ANGPTL2: variants seen among roughly 807,000 people sequenced by gnomAD.
ANGPTL2 encodes angiopoietin-related protein 2.
In ANGPTL2, 25 loss-of-function variants were observed where a neutral mutation model predicts 52.8. The observed-to-expected ratio is 0.47, with a 90% confidence interval of 0.35 to 0.66. The LOEUF is 0.66. Among genes scored for constraint, ANGPTL2 ranks in the 30% least tolerant of loss-of-function variants. ANGPTL2 has a pLI of 0.01. For synonymous variants in ANGPTL2, 276 were observed against 277.4 expected (o/e 1.00, Z 0.05); for missense variants, 546 against 656.9 (o/e 0.83, Z 1.84).
chr9:127,103,036 C>T (rs2136910509), intron 2 of ANGPTL2, among the ~76,000 whole-genome samples: 1 of 152,356 alleles, frequency 6.6e-6, no homozygotes, highest in East Asian at 1.9e-4. Context: ...TTCTCCACCT[C>T]TCTGCAGTGC....
chr9:127,115,232 C>A (rs1245860838), intron 1 of ANGPTL2, among the ~76,000 whole-genome samples: 2 of 152,050 alleles, frequency 1.3e-5, no homozygotes, highest in Non-Finnish European at 2.9e-5. Flanking sequence ...TCTTGTCACC[C>A]AGGCTGGAGT....
At chr9:127,092,412 G>A (rs537616918) in intron 3 of ANGPTL2, among the ~76,000 whole-genome samples, 172 of 152,170 alleles carry the variant, frequency 1.1e-3, no homozygotes, top group Non-Finnish European at 1.4e-3. Context: ...ATCCACCGGC[G>A]CTCCCCTCTA....
At chr9:127,117,506 C>A (rs2055561452) in intron 1 of ANGPTL2, among the ~76,000 whole-genome samples, 1 of 152,184 alleles carries the variant, frequency 6.6e-6, no homozygotes, top group Non-Finnish European at 1.5e-5. Flanking sequence ...TCAAGGGGTC[C>A]ACGGTAGTAG....
At chr9:127,104,749 C>T (rs1312385779) in intron 2 of ANGPTL2, among the ~76,000 whole-genome samples, 5 of 152,160 alleles carry the variant, frequency 3.3e-5, no homozygotes, top group African/African-American at 4.8e-5. Flanking sequence ...TGTGGGCAGA[C>T]GAAGAAAAGA....
intron 3 of ANGPTL2, among the ~76,000 whole-genome samples, chr9:127,092,242 G>T (rs374386951): frequency 6.6e-6 from 1 of 152,240 alleles, no homozygotes; most frequent in Non-Finnish European, 1.5e-5. Context: ...GCTGTGGCAG[G>T]TGGAGGGCCT....
intron 1 of ANGPTL2, among the ~76,000 whole-genome samples, chr9:127,119,736 C>T (rs1408919940): frequency 1.3e-5 from 2 of 152,154 alleles, no homozygotes; most frequent in Non-Finnish European, 2.9e-5. Context: ...CATGTAGTCC[C>T]CTGCTGGACC....
chr9:127,106,157 A>G (rs1236401135), intron 2 of ANGPTL2, among the ~76,000 whole-genome samples: 1 of 152,258 alleles, frequency 6.6e-6, no homozygotes, highest in Non-Finnish European at 1.5e-5. Flanking sequence ...AACCAGAGAC[A>G]CTTAGGCCAG....
chr9:127,108,411 C>T lies in ANGPTL2; in HGVS notation c.321G>A (p.Gln107=). The change falls in exon 2 of 5, where the codon CAG becomes CAA. Residue 107 remains glutamine (Q), a synonymous_variant. Transcript: ENST00000373425. ...LKQKRQIETL[Q]QLVEVDGGIV... is the part of the protein sequence containing the mutation. Reference sequence around the variant, plus strand: ...TGCCGCCGTCCACCTCCACCAGCTGCTGCAGCGTCTCGATCTGCCGCTTCT... The same window carrying T: ...TGCCGCCGTCCACCTCCACCAGCTGTTGCAGCGTCTCGATCTGCCGCTTCT... 6.2e-7 allele frequency: 1 copy of T among 1,608,912 alleles called. No individual in the cohort carries two copies. The highest frequency in any genetic ancestry group is 8.5e-7 in the Non-Finnish European group (1 of 1,178,526).
chr9:127,107,777 A>G (rs2054362952), intron 2 of ANGPTL2, 138 bp downstream of exon 2: 1 of 858,136 alleles, frequency 1.2e-6, no homozygotes, highest in Non-Finnish European at 1.7e-6. Flanking sequence ...GCTCAGCCCA[A>G]GGGATTGCTG....
At chr9:127,107,128 C>T (rs1247471800) in intron 2 of ANGPTL2, 1 of 152,142 alleles carries the variant, frequency 6.6e-6, no homozygotes, top group East Asian at 1.9e-4. Context: ...AGAAGTCAGC[C>T]AGAGATTTAA....
intron 2 of ANGPTL2, 62 bp from the exon 3 acceptor site, chr9:127,093,988 T>C (rs1010668293): frequency 8.3e-6 from 13 of 1,564,128 alleles, no homozygotes; most frequent in Admixed American, 5.1e-5. Context: ...CACCCCCAGC[T>C]GCACCCCAAG....
intron 1 of ANGPTL2, among the ~76,000 whole-genome samples, chr9:127,110,001 T>C (rs774234599): frequency 7.2e-5 from 11 of 152,204 alleles, no homozygotes; most frequent in Non-Finnish European, 1.6e-4. Context: ...AACATCAGGA[T>C]GGTTTTCCTA....
At chr9:127,099,873 C>T (rs1392604029) in intron 2 of ANGPTL2, among the ~76,000 whole-genome samples, 4 of 152,176 alleles carry the variant, frequency 2.6e-5, no homozygotes, top group Non-Finnish European at 5.9e-5. Flanking sequence ...GCTTTCAGGC[C>T]GCTTTAGCCC....
At position 127,107,811 on chromosome 9, in the gene ANGPTL2, T is replaced by C. The variant is rs1052373804; in HGVS notation, c.817+104A>G. The C allele has an allele frequency of 3.1e-5, 38 of 1,226,670 alleles. No individual in the cohort carries two copies. The African/African-American group carries it at 4.7e-4, about 15-fold the overall frequency. The allele number at this position is 1,226,670 out of a possible 1,614,324, so 76.0% of individuals were successfully genotyped here. A position where few individuals can be genotyped will look rare whatever the true frequency, so the allele number is the denominator to read the frequency against. ...TGGGGGATTGTGCATGTCTTTGGCC[T>C]GGCTTCAACTGGCCATGGCTTTTCC... On this transcript the variant is annotated intron_variant, in intron 2 of 4. Transcript: ENST00000373425.
At position 127,122,198 on chromosome 9, in the gene ANGPTL2, C is replaced by T. The variant is rs962509678; in HGVS notation, c.-50+117G>A. 2 of 152,290 alleles carry T rather than the reference C, an allele frequency of 1.3e-5. No individual in the cohort carries two copies. The highest frequency in any genetic ancestry group is 2.9e-5 in the Non-Finnish European group (2 of 68,108). The allele number at this position is 152,290 out of a possible 1,614,324, so 9.4% of individuals were successfully genotyped here. On this transcript the variant is annotated intron_variant, in intron 1 of 4. Coordinates refer to ENST00000373425, the MANE Select transcript of ANGPTL2 (RefSeq NM_012098.3). This position sits in a 1 kb window ranked among gnomAD's most constrained non-coding sequence, Gnocchi z 6.4. Reference sequence around the variant, plus strand: ...CCAAGCGATAGCAGGGAGTGACCCTCTGAGATCCAGCAGCACACACCCCCA... The same window carrying T: ...CCAAGCGATAGCAGGGAGTGACCCTTTGAGATCCAGCAGCACACACCCCCA...
chr9:127,109,024 C>T lies in ANGPTL2; in HGVS notation c.-49-244G>A, dbSNP rs77370425. ...TCTCAGGGCATCTGAAGGCAGGAGG[C>T]CATGGCCCTGCTACTCCCAGAGCCA... is the stretch of plus-strand genomic sequence containing the variant. On this transcript the variant is annotated intron_variant, in intron 1 of 4. Coordinates refer to ENST00000373425, the MANE Select transcript of ANGPTL2 (RefSeq NM_012098.3). Among the ~76,000 whole-genome samples, 615 of 152,320 alleles carry T rather than the reference C, an allele frequency of 4.0e-3. 8 individuals are homozygous for T. The highest frequency in any genetic ancestry group is 0.028 in the East Asian group (145 of 5,168).
At chr9:127,090,852 G>A (rs2052382427) in intron 4 of ANGPTL2, among the ~76,000 whole-genome samples, 1 of 152,196 alleles carries the variant, frequency 6.6e-6, no homozygotes, top group Non-Finnish European at 1.5e-5. Flanking sequence ...TTGGCCCTGG[G>A]GAGGCATTAA....
intron 3 of ANGPTL2, among the ~76,000 whole-genome samples, chr9:127,092,204 C>A (rs551848704): frequency 6.6e-6 from 1 of 152,334 alleles, no homozygotes; most frequent in African/African-American, 2.4e-5. Context: ...TATTACCTTC[C>A]CCACAGGCTT....
At chr9:127,117,369 C>T (rs1476190447) in intron 1 of ANGPTL2, among the ~76,000 whole-genome samples, 1 of 152,198 alleles carries the variant, frequency 6.6e-6, no homozygotes, top group Non-Finnish European at 1.5e-5. Flanking sequence ...AGGATGGCAC[C>T]TAGGTTACTA....
Sources: gnomAD v4.1 joint callset for allele counts (sites outside exome capture counted in the v4.1 genomes callset) on GRCh38, gnomAD v4.1.1 for gene constraint, Gnocchi (gnomAD v3.1) non-coding constraint, MANE v1.5 for transcripts, NCBI Gene and HGNC (gene_info 2026-07-23, HGNC 2026-07-21) for gene names.